The following CEP162 variants were observed in gnomAD, a reference collection of about 807,000 sequenced individuals.
CEP162 encodes the protein centrosomal protein 162.
A neutral mutation model predicts 169.2 loss-of-function variants in CEP162; 141 were observed. The observed-to-expected ratio is 0.83, with a 90% confidence interval of 0.73 to 0.96. The LOEUF is 0.96. Among genes scored for constraint, CEP162 ranks in the 40% least tolerant of loss-of-function variants. The pLI is 0.00. For synonymous variants in CEP162, 540 were observed against 526.4 expected (o/e 1.03, Z -0.35); for missense variants, 1,600 against 1,587.2 (o/e 1.01, Z -0.14).
intron 2 of CEP162, among the ~76,000 whole-genome samples, chr6:84,221,435 AT>A (rs984203394): frequency 6.6e-6 from 1 of 152,244 alleles, no homozygotes; most frequent in African/African-American, 2.4e-5. Context: ...TTGATCAAGA[AT>A]TTTTTTCAGC....
At chr6:84,133,518 T>C (rs1436862961) in intron 25 of CEP162, among the ~76,000 whole-genome samples, 2 of 152,146 alleles carry the variant, frequency 1.3e-5, no homozygotes, top group South Asian at 4.1e-4. Context: ...TCCACCCAGT[T>C]TGAGCTTCCT....
chr6:84,134,357 G>T (rs1369793676), intron 25 of CEP162, among the ~76,000 whole-genome samples: 4 of 152,064 alleles, frequency 2.6e-5, no homozygotes, highest in Non-Finnish European at 4.4e-5. Flanking sequence ...CTCTTTCCAG[G>T]GGTGTCTTGC....
At chr6:84,186,714 C>A in intron 11 of CEP162, 91 bp from the exon 12 acceptor site, 1 of 1,019,528 alleles carries the variant, frequency 9.8e-7, no homozygotes, top group Non-Finnish European at 1.4e-6. Context: ...CACGCAGACA[C>A]ACTATATATT....
Position 84,180,873 on chromosome 6 carries a change from A to T in CEP162, c.1663+4314T>A, listed in dbSNP as rs566525657. The stretch of plus-strand genomic sequence containing the variant: ...ACACAAACAAATGGAAGAACATTCC[A>T]TGCTCATGGATAGGAAGAATCAATA... On this transcript the variant is annotated intron_variant, in intron 13 of 26. Coordinates refer to ENST00000403245, the MANE Select transcript of CEP162 (RefSeq NM_014895.4). Among the ~76,000 whole-genome samples, 3 of 152,346 alleles carry T rather than the reference A, an allele frequency of 2.0e-5. No homozygotes were observed. In the East Asian group the frequency reaches 5.8e-4, roughly 29 times the overall value.
intron 20 of CEP162, 64 bp downstream of exon 20, chr6:84,161,682 A>G: frequency 8.7e-7 from 1 of 1,154,440 alleles, no homozygotes; most frequent in East Asian, 2.5e-5. Context: ...AAGGTTATGT[A>G]CAACAGATAT....
At chr6:84,186,295 C>T in intron 12 of CEP162, 37 bp downstream of exon 12, 1 of 1,199,524 alleles carries the variant, frequency 8.3e-7, no homozygotes, top group Non-Finnish European at 1.2e-6. Context: ...AACTTCGGTT[C>T]TCAATCTCTC....
At chr6:84,159,523 T>TTATATATATATATATATATA (rs1554166777) in intron 21 of CEP162, among the ~76,000 whole-genome samples, 9 of 37,132 alleles carry the variant, frequency 2.4e-4, no homozygotes, top group South Asian at 1.2e-3. Context: ...AATTAATTAT[T>TTATATATATATATATATATA]TATATATATA....
At chr6:84,182,022 G>T (rs907802930) in intron 13 of CEP162, among the ~76,000 whole-genome samples, 14 of 151,750 alleles carry the variant, frequency 9.2e-5, no homozygotes, top group Non-Finnish European at 2.1e-4. Flanking sequence ...AATTTCTTAG[G>T]AAGAAATTTC....
rs777684938 is a variant in CEP162 at position 84,152,870 on chromosome 6, G to C, written c.3304C>G (p.Gln1102Glu). ...EELAAKKREI[Q>E]DLSKTVERLQ... Reference sequence around the variant, plus strand: ...CTCTCCACAGTTTTTGAGAGGTCTTGTATTTCTCTCTTTTTTGCAGCCAGT... The same window carrying C: ...CTCTCCACAGTTTTTGAGAGGTCTTCTATTTCTCTCTTTTTTGCAGCCAGT... Residue 1102 changes from glutamine to glutamate, a missense_variant, in exon 23 of 27, where the codon CAA becomes GAA. By Grantham distance (29) the Gln-to-Glu change is conservative (BLOSUM62 2). Coordinates refer to ENST00000403245, the MANE Select transcript of CEP162 (RefSeq NM_014895.4). 17 of 1,613,520 alleles carry C rather than the reference G, an allele frequency of 1.1e-5. 1 individual carries two copies. In the Admixed American group the frequency reaches 2.3e-4, roughly 22 times the overall value.
intron 6 of CEP162, among the ~76,000 whole-genome samples, chr6:84,209,724 A>G (rs1013849428): frequency 9.2e-5 from 14 of 152,196 alleles, no homozygotes; most frequent in African/African-American, 3.1e-4. Context: ...AATACAGCCA[A>G]GTATGATTTC....
intron 17 of CEP162, 48 bp downstream of exon 17, chr6:84,171,558 T>G: frequency 4.5e-6 from 3 of 663,700 alleles, no homozygotes; most frequent in Non-Finnish European, 7.1e-6. Flanking sequence ...AGAAAATGCT[T>G]GAAATAGTCT....
intron 25 of CEP162, among the ~76,000 whole-genome samples, chr6:84,140,707 T>C (rs987555760): frequency 6.6e-6 from 1 of 152,058 alleles, no homozygotes; most frequent in African/African-American, 2.4e-5. Flanking sequence ...GTATTTTTTA[T>C]AGAGATGATG....
chr6:84,155,559 AT>A (rs1254140536), intron 21 of CEP162, 49 bp from the exon 22 acceptor site: 3 of 1,268,294 alleles, frequency 2.4e-6, no homozygotes, highest in Admixed American at 3.9e-5. Context: ...TAATAAATGA[AT>A]TCAGTAAAGT....
intron 22 of CEP162, among the ~76,000 whole-genome samples, chr6:84,154,213 G>A (rs566212945): frequency 3.9e-5 from 6 of 152,078 alleles, no homozygotes; most frequent in Non-Finnish European, 5.9e-5. Context: ...GTGCAGTAGC[G>A]GGTTGGAGTT....
intron 21 of CEP162, among the ~76,000 whole-genome samples, chr6:84,158,062 G>A (rs183874595): frequency 1.3e-5 from 2 of 152,274 alleles, no homozygotes; most frequent in East Asian, 3.9e-4. Context: ...CCACAGAAAT[G>A]ACAGCTTATT....
chr6:84,225,256 C>T (rs2099555247), intron 2 of CEP162, among the ~76,000 whole-genome samples: 1 of 152,072 alleles, frequency 6.6e-6, no homozygotes, highest in African/African-American at 2.4e-5. Flanking sequence ...TAGATGGCTC[C>T]ATGGTATAGC....
At chr6:84,223,859 T>C (rs906975000) in intron 2 of CEP162, among the ~76,000 whole-genome samples, 10 of 151,680 alleles carry the variant, frequency 6.6e-5, no homozygotes, top group East Asian at 1.9e-4. Context: ...TCAGCCAAGA[T>C]TGCACCACAG....
intron 11 of CEP162, 47 bp downstream of exon 11, chr6:84,193,562 G>A (rs1171959393): frequency 8.8e-7 from 1 of 1,133,618 alleles, no homozygotes; most frequent in Non-Finnish European, 1.3e-6. Flanking sequence ...TAGAACAAAT[G>A]ACTATAAAAG....
chr6:84,196,727 A>G (rs911168793), intron 9 of CEP162, among the ~76,000 whole-genome samples: 1 of 152,216 alleles, frequency 6.6e-6, no homozygotes, highest in African/African-American at 2.4e-5. Context: ...TGTATATACA[A>G]TGTAAGTTGT....
Sources: allele counts gnomAD v4.1 joint callset (sites outside exome capture counted in the v4.1 genomes callset), GRCh38; gene constraint gnomAD v4.1.1; transcripts MANE v1.5; gene names NCBI Gene and HGNC (gene_info 2026-07-23, HGNC 2026-07-21).